Variants in PSMA5 observed in about 807,000 individuals in gnomAD.
The protein encoded by PSMA5 is proteasome subunit alpha type-5.
PSMA5 carries 3 observed loss-of-function variants against 34.5 expected under a neutral mutation model. The ratio of observed to expected loss-of-function variants is 0.09; its 90% CI spans 0.04 to 0.22. The LOEUF is 0.22. Ranked by LOEUF, PSMA5 falls within the 10% of genes least tolerant of loss-of-function variation. The pLI, the probability that PSMA5 is intolerant of heterozygous loss-of-function variation, is 1.00. For missense variants in PSMA5, 120 were observed against 286.1 expected (o/e 0.42, Z 4.19); for synonymous variants, 88 against 95.8 (o/e 0.92, Z 0.47).
At chr1:109,419,043 C>T (rs1265043059) in intron 2 of PSMA5, among the ~76,000 whole-genome samples, 1 of 151,988 alleles carries the variant, frequency 6.6e-6, no homozygotes, top group Non-Finnish European at 1.5e-5. Flanking sequence ...ATCCCAGCTA[C>T]TCAGGAGGCT....
chr1:109,401,405 G>C lies in PSMA5; in HGVS notation c.*608C>G, dbSNP rs1332270553. 1.3e-5 allele frequency: 2 copies of C among 152,064 alleles called. No individual in the cohort carries two copies. The highest frequency in any genetic ancestry group is 4.8e-5 in the African/African-American group (2 of 41,422). The allele number at this position is 152,064 out of a possible 1,614,324, so 9.4% of individuals were successfully genotyped here. A position where few individuals can be genotyped will look rare whatever the true frequency, so the allele number is the denominator to read the frequency against. ...ATGTTCTTCTGATAGTCAATTAGTA[G>C]CATCTCCTTATAAGAAAAGCAGCAA... is the stretch of plus-strand genomic sequence containing the variant. On this transcript the variant is annotated 3_prime_UTR_variant, in exon 9 of 9. Coordinates refer to ENST00000271308, the MANE Select transcript of PSMA5 (RefSeq NM_002790.4).
chr1:109,402,439 T>C (rs1653569423), intron 8 of PSMA5, among the ~76,000 whole-genome samples: 1 of 152,210 alleles, frequency 6.6e-6, no homozygotes, highest in Non-Finnish European at 1.5e-5. Flanking sequence ...CCTTTAGAAA[T>C]ATATTTGAAG....
intron 2 of PSMA5, among the ~76,000 whole-genome samples, chr1:109,421,207 TC>T (rs1416558709): frequency 6.6e-6 from 1 of 151,500 alleles, no homozygotes; most frequent in Non-Finnish European, 1.5e-5. Context: ...CTAAAACAAA[TC>T]TCTTATTTAG....
At chr1:109,421,993 T>G in intron 1 of PSMA5, 67 bp from the exon 2 acceptor site, 1 of 981,450 alleles carries the variant, frequency 1.0e-6, no homozygotes. Context: ...TGAATTCAAG[T>G]TCCTTGACAA....
intron 8 of PSMA5, among the ~76,000 whole-genome samples, chr1:109,408,781 C>G (rs549397867): frequency 8.8e-4 from 134 of 151,992 alleles, no homozygotes; most frequent in African/African-American, 3.1e-3. Flanking sequence ...ACCTCCACCT[C>G]CCGGGTTCAA....
At chr1:109,418,003 C>G (rs1654282660) in intron 2 of PSMA5, among the ~76,000 whole-genome samples, 1 of 151,966 alleles carries the variant, frequency 6.6e-6, no homozygotes, top group Non-Finnish European at 1.5e-5. Context: ...GCAGGAAGAT[C>G]ACTTGAGCCC....
chr1:109,410,097 A>C (rs1653933202), intron 7 of PSMA5, 83 bp from the exon 8 acceptor site: 1 of 895,824 alleles, frequency 1.1e-6, no homozygotes, highest in Admixed American at 2.2e-5. Flanking sequence ...TATCTCACTG[A>C]AAAAAGTATT....
intron 8 of PSMA5, among the ~76,000 whole-genome samples, chr1:109,405,545 C>T (rs1653723240): frequency 7.3e-6 from 1 of 137,530 alleles, no homozygotes; most frequent in African/African-American, 2.7e-5. Context: ...TCAAGCAATT[C>T]TCATGCCTCA....
chr1:109,422,508 A>T (rs1360611227), intron 1 of PSMA5, among the ~76,000 whole-genome samples: 1 of 144,510 alleles, frequency 6.9e-6, no homozygotes, highest in Admixed American at 7.0e-5. Context: ...TTTGAGACAG[A>T]GTCTCGCTCT....
At position 109,412,144 on chromosome 1, in the gene PSMA5, C is replaced by T. The variant is rs1423590956; in HGVS notation, c.332G>A (p.Ser111Asn). ...CAGATTGGACACAGCTTGGGTCACA[C>T]TCTCCACTGTCATTGTCTCATTGTA... is the stretch of plus-strand genomic sequence containing the variant. The part of the protein sequence containing the change: ...FTYNETMTVE[S>N]VTQAVSNLAL... Residue 111 changes from serine to asparagine, a missense_variant, in exon 5 of 9, where the codon AGT becomes AAT. Ser to Asn is a conservative substitution (Grantham distance 46). Around this residue, in one of 3 missense-constraint regions of PSMA5, gnomAD observed 83 missense variants for 203.2 expected, o/e 0.41. Transcript: ENST00000271308. The T allele has an allele frequency of 6.2e-7, 1 of 1,614,082 alleles. No homozygotes were observed. Among genetic ancestry groups the T allele is most frequent in the South Asian group, 1.1e-5 (1 of 91,088 alleles).
chr1:109,410,890 GTTAT>G lies in PSMA5; in HGVS notation c.561+117_561+120del, dbSNP rs953302195. ...GCATTTTTCTGGTGGTGATGAAAGT[GTTAT>G]TTATCTTGTTTTGCAATTGTCAAAA... On this transcript the variant is annotated intron_variant, in intron 7 of 8. Coordinates refer to ENST00000271308, the MANE Select transcript of PSMA5 (RefSeq NM_002790.4). 1.1e-5 allele frequency: 8 copies of G among 712,456 alleles called. No individual in the cohort carries two copies. The Admixed American group carries it at 2.1e-4, about 18-fold the overall frequency. 44.1% of individuals were successfully genotyped at this position (712,456 alleles called of 1,614,324 possible).
At chr1:109,422,334 T>C (rs1654476063) in intron 1 of PSMA5, among the ~76,000 whole-genome samples, 1 of 152,218 alleles carries the variant, frequency 6.6e-6, no homozygotes, top group Non-Finnish European at 1.5e-5. Flanking sequence ...CGTTAATACT[T>C]GGGGTTATCA....
At chr1:109,406,433 A>G (rs112263897) in intron 8 of PSMA5, among the ~76,000 whole-genome samples, 309 of 152,320 alleles carry the variant, frequency 2.0e-3, no homozygotes, top group African/African-American at 7.0e-3. Flanking sequence ...AGTCCCTATA[A>G]TCACCTATAG....
At chr1:109,404,403 A>C (rs1405810500) in intron 8 of PSMA5, among the ~76,000 whole-genome samples, 2 of 152,224 alleles carry the variant, frequency 1.3e-5, no homozygotes, top group East Asian at 3.8e-4. Context: ...GGACAGAGAA[A>C]TATAAGAGCA....
In PSMA5 at chr1:109,401,734, G is replaced by A. The variant is rs537596010; in HGVS notation, c.*279C>T. 6.8e-5 allele frequency: 16 copies of A among 234,002 alleles called. No homozygotes were observed. The South Asian group carries it at 1.5e-3, about 22-fold the overall frequency. The allele number at this position is 234,002 out of a possible 1,614,324, so 14.5% of individuals were successfully genotyped here. A position where few individuals can be genotyped will look rare whatever the true frequency, so the allele number is the denominator to read the frequency against. On this transcript the variant is annotated 3_prime_UTR_variant, in exon 9 of 9. Transcript: ENST00000271308. ...TCCTAGCACTTCAGGAGGCAGAGGC[G>A]GGAAGATCACTTGAACCCAGGAGTT... is the stretch of plus-strand genomic sequence containing the variant.
chr1:109,407,213 T>G (rs986491910), intron 8 of PSMA5, among the ~76,000 whole-genome samples: 4 of 152,166 alleles, frequency 2.6e-5, no homozygotes, highest in Non-Finnish European at 5.9e-5. Flanking sequence ...GGTCTCAATC[T>G]CCTGACCTCG....
intron 8 of PSMA5, among the ~76,000 whole-genome samples, chr1:109,403,461 CAA>C (rs1207531175): frequency 4.2e-5 from 6 of 142,496 alleles, no homozygotes; most frequent in African/African-American, 1.6e-4. Context: ...CCGTGTCTAC[CAA>C]AAAAAAAAAA....
rs1318745832 is a variant in PSMA5 at position 109,411,888 on chromosome 1, T to G, written c.447A>C (p.Lys149Asn). Reference protein sequence around the residue: ...VALLFGGVDEKGPQLFHMDPS... With the variant: ...VALLFGGVDENGPQLFHMDPS... The stretch of plus-strand genomic sequence containing the variant: ...AAAATGGTACTTACAGCTGGGGTCC[T>G]TTCTCATCAACTCCTCCAAATAATA... The change falls in exon 6 of 9, where the codon AAA becomes AAC. Residue 149 changes from lysine to asparagine, a missense_variant. Transcript: ENST00000271308. The G allele has an allele frequency of 1.9e-6, 3 of 1,612,678 alleles. No individual in the cohort carries two copies. The highest frequency in any genetic ancestry group is 2.5e-6 in the Non-Finnish European group (3 of 1,178,782).
chr1:109,408,686 TTC>T (rs1474708857), intron 8 of PSMA5, among the ~76,000 whole-genome samples: 8 of 152,010 alleles, frequency 5.3e-5, no homozygotes, highest in Non-Finnish European at 1.0e-4. Context: ...CTCCTTTTAT[TTC>T]TTTCAGCTTT....
Sources: allele counts gnomAD v4.1 joint callset (sites outside exome capture counted in the v4.1 genomes callset), GRCh38; gene constraint gnomAD v4.1.1; regional missense constraint gnomAD v4.1.1; transcripts MANE v1.5; gene names NCBI Gene and HGNC (gene_info 2026-07-23, HGNC 2026-07-21).